The following LITAF variants were observed in gnomAD, a reference collection of about 807,000 sequenced individuals.
LITAF encodes lipopolysaccharide-induced tumor necrosis factor-alpha factor.
Under a neutral mutation model 14.5 loss-of-function variants are expected in LITAF, and 9 were observed. That is an observed-to-expected ratio of 0.62 (90% CI 0.37 to 1.08). The LOEUF (loss-of-function observed/expected upper bound fraction) is 1.08. Ranked by LOEUF, LITAF falls within the 50% of genes least tolerant of loss-of-function variation. The pLI, the probability that LITAF is intolerant of heterozygous loss-of-function variation, is 0.01. For synonymous variants in LITAF, 98 were observed against 88.2 expected, an observed-to-expected ratio of 1.11 and a Z score of -0.62; for missense variants, 206 against 213.4, an observed-to-expected ratio of 0.97 and a Z score of 0.22.
In LITAF at chr16:11,553,825, T is replaced by G. The variant is rs1232430907; in HGVS notation, c.221-136A>C. 1.0e-6 allele frequency: 1 copy of G among 1,002,710 alleles called. No homozygotes were observed. The highest frequency in any genetic ancestry group is 1.5e-6 in the Non-Finnish European group (1 of 667,750). The allele number at this position is 1,002,710 out of a possible 1,614,324, so 62.1% of individuals were successfully genotyped here. ...CATTTGTGTTCATAGCATGCGTTCA[T>G]CGTCTGGCTATCTATGAGAGCCAAA... On this transcript the variant is annotated intron_variant, in intron 2 of 3. Transcript: ENST00000622633. This position sits in a 1 kb window ranked among gnomAD's most constrained non-coding sequence, Gnocchi z 7.7.
upstream of LITAF, among the ~76,000 whole-genome samples, chr16:11,589,577 G>A (rs1379496629): frequency 1.3e-5 from 2 of 149,638 alleles, no homozygotes; most frequent in African/African-American, 4.9e-5. Context: ...AACCAGTTCA[G>A]CAAAGTTGTG....
chr16:11,562,313 CAAAAAAA>C (rs57317505), intron 1 of LITAF, among the ~76,000 whole-genome samples: 25 of 61,436 alleles, frequency 4.1e-4, no homozygotes, highest in Non-Finnish European at 5.5e-4. Context: ...GACTCCGTCT[CAAAAAAA>C]AAAAAAAAAA....
chr16:11,638,872 C>T (rs1165408814), upstream of LITAF, among the ~76,000 whole-genome samples: 5 of 151,504 alleles, frequency 3.3e-5, no homozygotes, highest in African/African-American at 1.2e-4. Flanking sequence ...AGCTGGCTAC[C>T]TTTTTAACCT....
upstream of LITAF, among the ~76,000 whole-genome samples, chr16:11,639,509 A>G (rs933905211): frequency 1.3e-5 from 2 of 152,098 alleles, no homozygotes; most frequent in African/African-American, 4.8e-5. Flanking sequence ...ATGGACAAAT[A>G]GGACAAAATG....
rs576217982 is a variant in LITAF at position 11,615,510 on chromosome 16, C to T, written c.85+18023G>A. ...CGAGATCACACCATTGCACTGCAGCCGGGGCAAAAAGAGTGAAACTCCGTC... is the reference window on the plus strand; with the variant it reads ...CGAGATCACACCATTGCACTGCAGCTGGGGCAAAAAGAGTGAAACTCCGTC... On this transcript the variant is annotated intron_variant, in intron 3 of 3. Transcript: ENST00000574848. 9.0e-4 allele frequency among the ~76,000 whole-genome samples: 136 copies of T among 151,790 alleles called. 1 individual carries two copies. The highest frequency in any genetic ancestry group is 3.2e-3 in the African/African-American group (131 of 41,386).
intron 3 of LITAF, among the ~76,000 whole-genome samples, chr16:11,625,718 C>T (rs1289514236): frequency 6.6e-6 from 1 of 152,144 alleles, no homozygotes; most frequent in Non-Finnish European, 1.5e-5. Flanking sequence ...TCAACCTTCC[C>T]TTTTAATCTT....
At chr16:11,620,809 G>A (rs2065045652) in intron 3 of LITAF, among the ~76,000 whole-genome samples, 1 of 152,222 alleles carries the variant, frequency 6.6e-6, no homozygotes, top group Admixed American at 6.5e-5. Flanking sequence ...CCATGTAACA[G>A]GTGCAGCGGG....
intron 3 of LITAF, chr16:11,629,225 C>A (rs999926425): frequency 6.6e-6 from 1 of 151,714 alleles, no homozygotes; most frequent in East Asian, 1.9e-4. Flanking sequence ...AGCCTCTGTC[C>A]GCAGGACACC....
chr16:11,601,536 T>C (rs1049890483), upstream of LITAF, among the ~76,000 whole-genome samples: 2 of 152,152 alleles, frequency 1.3e-5, no homozygotes, highest in African/African-American at 2.4e-5. Context: ...CGTGACTGGT[T>C]CCTACAAGGA....
At chr16:11,620,926 C>T (rs144790525) in intron 3 of LITAF, among the ~76,000 whole-genome samples, 106 of 152,336 alleles carry the variant, frequency 7.0e-4, no homozygotes, top group Non-Finnish European at 1.2e-3. Context: ...GAGATGGTCT[C>T]GCTCTGTTGC....
chr16:11,551,175 T>C (rs1032817326), intron 3 of LITAF, among the ~76,000 whole-genome samples: 2 of 152,178 alleles, frequency 1.3e-5, no homozygotes, highest in Non-Finnish European at 2.9e-5. Context: ...TTTGGAAATA[T>C]TCTGATGAGG....
upstream of LITAF, among the ~76,000 whole-genome samples, chr16:11,599,401 A>G (rs1438215066): frequency 6.6e-6 from 1 of 152,124 alleles, no homozygotes; most frequent in Non-Finnish European, 1.5e-5. Context: ...TATAGGTATG[A>G]GTCTTTCAGC....
At chr16:11,603,446 C>T (rs2064938807), upstream of LITAF, among the ~76,000 whole-genome samples, 1 of 152,220 alleles carries the variant, frequency 6.6e-6, no homozygotes, top group South Asian at 2.1e-4. Flanking sequence ...TCCACGCGCC[C>T]TTCTCTTCCC....
chr16:11,556,627 G>C lies in LITAF; in HGVS notation c.104C>G (p.Thr35Arg). 1 of 1,614,232 alleles carries C rather than the reference G, an allele frequency of 6.2e-7. No homozygotes were observed. The highest frequency in any genetic ancestry group is 8.5e-7 in the Non-Finnish European group (1 of 1,180,036). Residue 35 changes from threonine to arginine, a missense_variant, in exon 2 of 4, where the codon ACA becomes AGA. Coordinates refer to ENST00000622633, the MANE Select transcript of LITAF (RefSeq NM_001136472.2). ...ETVAVNSYYP[T>R]PPAPMPGPTT... ...TGGCCCAGGCATGGGAGCTGGAGGT[G>C]TGGGGTAATAACTGTTAACAGCCAC...
intron 3 of LITAF, among the ~76,000 whole-genome samples, chr16:11,616,511 G>T (rs967441838): frequency 6.6e-6 from 1 of 151,360 alleles, no homozygotes; most frequent in Non-Finnish European, 1.5e-5. Flanking sequence ...AAAAGAAAAA[G>T]AAAGGGGCTT....
At chr16:11,627,639 T>G (rs529456658) in intron 3 of LITAF, among the ~76,000 whole-genome samples, 67 of 152,240 alleles carry the variant, frequency 4.4e-4, no homozygotes, top group African/African-American at 1.6e-3. Flanking sequence ...AGGTCAGCAG[T>G]TCGAGACCAG....
intron 1 of LITAF, among the ~76,000 whole-genome samples, chr16:11,572,551 G>A (rs2064561697): frequency 6.6e-6 from 1 of 152,056 alleles, no homozygotes; most frequent in South Asian, 2.1e-4. Flanking sequence ...CTGACAGGAT[G>A]AGGTGAGAAG....
chr16:11,620,167 CAA>C (rs533195309), intron 3 of LITAF, among the ~76,000 whole-genome samples: 3 of 67,328 alleles, frequency 4.5e-5, no homozygotes, highest in Admixed American at 1.8e-4. Context: ...GAGTCCGTCT[CAA>C]AAAAAAAAAA....
intron 3 of LITAF, among the ~76,000 whole-genome samples, chr16:11,614,910 G>T (rs1237757520): frequency 6.6e-6 from 1 of 152,236 alleles, no homozygotes; most frequent in Non-Finnish European, 1.5e-5. Context: ...CAGGGAGTCA[G>T]TTCAGTGATT....
Sources: gnomAD v4.1 joint callset for allele counts (sites outside exome capture counted in the v4.1 genomes callset) on GRCh38, gnomAD v4.1.1 for gene constraint, Gnocchi (gnomAD v3.1) non-coding constraint, MANE v1.5 for transcripts, NCBI Gene and HGNC (gene_info 2026-07-23, HGNC 2026-07-21) for gene names.